The following DERL1 variants were observed in gnomAD, a reference collection of about 807,000 sequenced individuals.
DERL1 encodes the protein derlin 1, also known as derlin-1.
Under a neutral mutation model 41.6 loss-of-function variants are expected in DERL1, and 24 were observed. The observed-to-expected ratio is 0.58, with a 90% CI of 0.42 to 0.81. The LOEUF (loss-of-function observed/expected upper bound fraction) is 0.81, where lower values mean the gene tolerates loss of function less well. Among genes scored for constraint, DERL1 ranks in the 30% least tolerant of loss-of-function variants. The pLI is 0.00. For missense variants in DERL1, 260 were observed against 314.3 expected (o/e 0.83, Z 1.31); for synonymous variants, 124 against 112.5 (o/e 1.10, Z -0.65).
chr8:123,033,870 T>C (rs1220845779), intron 1 of DERL1, among the ~76,000 whole-genome samples: 1 of 152,186 alleles, frequency 6.6e-6, no homozygotes, highest in Admixed American at 6.5e-5. Context: ...CAATGCTAAA[T>C]AGTGATTGAA....
chr8:123,032,763 C>T (rs1234644322), intron 1 of DERL1, among the ~76,000 whole-genome samples: 1 of 152,030 alleles, frequency 6.6e-6, no homozygotes, highest in Non-Finnish European at 1.5e-5. Context: ...TTTCATTGAA[C>T]GTTTATACTC....
rs574909531 is a variant in DERL1, at chr8:123,019,395, GGCA to G, written c.507-93_507-91del. ...ATAGCATAAGGAAGAGAGCCTTCAAGGCAGCCCATTTAGTCCCTGGGAGTCTGT... is the reference window on the plus strand; with the variant it reads ...ATAGCATAAGGAAGAGAGCCTTCAAGGCCCATTTAGTCCCTGGGAGTCTGT... On this transcript the variant is annotated intron_variant, in intron 6 of 7. Transcript: ENST00000259512. The G allele has an allele frequency of 1.8e-4, 160 of 910,900 alleles. 1 individual carries two copies. In the East Asian group the frequency reaches 4.1e-3, roughly 23 times the overall value. 56.4% of individuals were successfully genotyped at this position (910,900 alleles called of 1,614,324 possible).
At position 123,013,717 on chromosome 8, in the gene DERL1, T is replaced by C. The variant is rs1474228991; in HGVS notation, c.*1730A>G. The C allele has an allele frequency of 6.6e-6, 1 of 152,220 alleles. No individual in the cohort carries two copies. Among genetic ancestry groups the C allele is most frequent in the Middle Eastern group, 3.2e-3 (1 of 316 alleles). The allele number at this position is 152,220 out of a possible 1,614,324, so 9.4% of individuals were successfully genotyped here. On this transcript the variant is annotated 3_prime_UTR_variant, in exon 8 of 8. Coordinates refer to ENST00000259512, the MANE Select transcript of DERL1 (RefSeq NM_024295.6). ...TCCGGGTCACTCACTGTCAGAATAT[T>C]CTTATACATACAATGAGTCTCCACG...
intron 1 of DERL1, among the ~76,000 whole-genome samples, chr8:123,040,118 G>A (rs990112082): frequency 6.6e-6 from 1 of 152,210 alleles, no homozygotes; most frequent in Non-Finnish European, 1.5e-5. Context: ...TTGGGAGGCT[G>A]AGACAGGAGA....
At chr8:123,030,790 A>C (rs1436798345) in intron 1 of DERL1, 74 bp from the exon 2 acceptor site, 2 of 1,040,092 alleles carry the variant, frequency 1.9e-6, no homozygotes, top group African/African-American at 3.2e-5. Flanking sequence ...AACTAAACAA[A>C]ATTAACAAAG....
At chr8:123,032,771 C>T (rs1278387288) in intron 1 of DERL1, among the ~76,000 whole-genome samples, 1 of 152,028 alleles carries the variant, frequency 6.6e-6, no homozygotes, top group Admixed American at 6.6e-5. Flanking sequence ...AACGTTTATA[C>T]TCTAGTCTCT....
intron 1 of DERL1, among the ~76,000 whole-genome samples, chr8:123,031,683 T>C (rs1214117944): frequency 1.3e-5 from 2 of 152,234 alleles, no homozygotes; most frequent in Non-Finnish European, 1.5e-5. Flanking sequence ...CATGTTACTA[T>C]TACTCATTCT....
intron 1 of DERL1, among the ~76,000 whole-genome samples, chr8:123,036,282 G>T (rs1405264681): frequency 6.6e-6 from 1 of 152,138 alleles, no homozygotes; most frequent in Non-Finnish European, 1.5e-5. Context: ...TTGTGGTATG[G>T]TCCCATAATG....
At position 123,037,750 on chromosome 8, in the gene DERL1, T is replaced by C. The variant is rs184519635; in HGVS notation, c.153+4220A>G. Among the ~76,000 whole-genome samples the C allele has an allele frequency of 1.2e-3, 181 of 152,168 alleles. 1 individual carries two copies. Among genetic ancestry groups the C allele is most frequent in the Non-Finnish European group, 2.0e-3 (134 of 68,036 alleles). On this transcript the variant is annotated intron_variant, in intron 1 of 7. Coordinates refer to ENST00000259512, the MANE Select transcript of DERL1 (RefSeq NM_024295.6). ...GAAATAGAAACTGAAACTGAAGCTG[T>C]CTACAAAATGGGGGTAACACTTATC...
At chr8:123,025,859 C>T (rs150711640) in intron 2 of DERL1, 70 of 152,238 alleles carry the variant, frequency 4.6e-4, no homozygotes, top group African/African-American at 1.6e-3. Flanking sequence ...AGAGTGACAT[C>T]AAATTACTAG....
chr8:123,030,580 C>T (rs1812800057), intron 2 of DERL1, 25 bp downstream of exon 2: 1 of 1,494,802 alleles, frequency 6.7e-7, no homozygotes, highest in Non-Finnish European at 9.2e-7. Flanking sequence ...AGAAACAATG[C>T]TTAAAACAAC....
chr8:123,038,090 A>G (rs957997130), intron 1 of DERL1, among the ~76,000 whole-genome samples: 8 of 152,210 alleles, frequency 5.3e-5, no homozygotes, highest in Non-Finnish European at 1.2e-4. Context: ...TAAAGAAATA[A>G]CATTATAAAC....
Position 123,042,278 on chromosome 8 carries a change from A to T in DERL1, c.-156T>A. ...AGACGGGCGGACGTGGCGCCACCGAATTCGGACCAGCGAGGCAGCCTTCTG... is the reference window on the plus strand; with the variant it reads ...AGACGGGCGGACGTGGCGCCACCGATTTCGGACCAGCGAGGCAGCCTTCTG... On this transcript the variant is annotated 5_prime_UTR_variant, in exon 1 of 8. Coordinates refer to ENST00000259512, the MANE Select transcript of DERL1 (RefSeq NM_024295.6). The T allele has an allele frequency of 2.9e-6, 3 of 1,033,320 alleles. No homozygotes were observed. Among genetic ancestry groups the T allele is most frequent in the Non-Finnish European group, 4.0e-6 (3 of 755,154 alleles). 64.0% of individuals were successfully genotyped at this position (1,033,320 alleles called of 1,614,324 possible). A position where few individuals can be genotyped will look rare whatever the true frequency, so the allele number is the denominator to read the frequency against.
At chr8:123,030,746 A>AC (rs1329084441) in intron 1 of DERL1, 30 bp from the exon 2 acceptor site, 1 of 1,438,194 alleles carries the variant, frequency 7.0e-7, no homozygotes, top group Non-Finnish European at 9.7e-7. Flanking sequence ...CACAGCTGTT[A>AC]GTTTCTGTAA....
At chr8:123,033,116 G>A (rs116578203) in intron 1 of DERL1, among the ~76,000 whole-genome samples, 3,707 of 152,012 alleles carry the variant, frequency 0.024, 157 homozygotes, top group African/African-American at 0.085. Flanking sequence ...TCCCACCTCA[G>A]CCTCCCAAAG....
intron 5 of DERL1, among the ~76,000 whole-genome samples, chr8:123,022,337 A>C (rs1451099212): frequency 6.6e-6 from 1 of 152,238 alleles, no homozygotes; most frequent in Non-Finnish European, 1.5e-5. Context: ...TTTCAGCTAC[A>C]GTATAAAGCA....
In DERL1 at chr8:123,013,619, T is replaced by C. The variant is rs1234478181; in HGVS notation, c.*1828A>G. The C allele has an allele frequency of 6.6e-6, 1 of 152,200 alleles. No individual in the cohort carries two copies. The highest frequency in any genetic ancestry group is 1.5e-5 in the Non-Finnish European group (1 of 68,030). The allele number at this position is 152,200 out of a possible 1,614,324, so 9.4% of individuals were successfully genotyped here. A position where few individuals can be genotyped will look rare whatever the true frequency, so the allele number is the denominator to read the frequency against. On this transcript the variant is annotated 3_prime_UTR_variant, in exon 8 of 8. Transcript: ENST00000259512. ...CATTTTGCCCTGAACTGAAGAGTTC[T>C]AAATACTTGTAAACCTTTAGGAAAA...
chr8:123,038,452 G>A (rs558764876), intron 1 of DERL1, among the ~76,000 whole-genome samples: 1 of 152,266 alleles, frequency 6.6e-6, no homozygotes, highest in East Asian at 1.9e-4. Flanking sequence ...TCACACCTGG[G>A]CAGTACACTG....
intron 1 of DERL1, among the ~76,000 whole-genome samples, chr8:123,040,038 C>T (rs895343000): frequency 1.7e-4 from 26 of 152,180 alleles, no homozygotes; most frequent in Admixed American, 1.3e-3. Flanking sequence ...GCCAACATGG[C>T]GAAACCCCGT....
Sources: gnomAD v4.1 joint callset for allele counts (sites outside exome capture counted in the v4.1 genomes callset) on GRCh38, gnomAD v4.1.1 for gene constraint, MANE v1.5 for transcripts, NCBI Gene and HGNC (gene_info 2026-07-23, HGNC 2026-07-21) for gene names.